JADE2: variants seen among roughly 807,000 people sequenced by gnomAD.
The protein encoded by JADE2 is E3 ubiquitin-protein ligase Jade-2.
Under a neutral mutation model 85.7 loss-of-function variants are expected in JADE2, and 13 were observed. The ratio of observed to expected loss-of-function variants is 0.15; its 90% CI spans 0.10 to 0.24. JADE2 has a LOEUF of 0.24. JADE2 is among the 10% of genes least tolerant of loss of function. JADE2 has a pLI of 1.00. For synonymous variants in JADE2, 440 were observed against 456.1 expected, an observed-to-expected ratio of 0.96 and a Z score of 0.45; for missense variants, 846 against 1,115.9, an observed-to-expected ratio of 0.76 and a Z score of 3.45.
At chr5:134,552,312 C>A in intron 4 of JADE2, 103 bp downstream of exon 4, 1 of 1,019,526 alleles carries the variant, frequency 9.8e-7, no homozygotes, top group Non-Finnish European at 1.4e-6. Flanking sequence ...CCTTTCTAGT[C>A]CATCTCTATT....
chr5:134,561,153 A>G (rs935772074), intron 6 of JADE2, among the ~76,000 whole-genome samples, 196 bp downstream of exon 6: 5 of 152,372 alleles, frequency 3.3e-5, no homozygotes, highest in South Asian at 4.1e-4. Flanking sequence ...GACTCAAGCC[A>G]GAGCCCATTG....
At chr5:134,538,416 T>G (rs981601001) in intron 3 of JADE2, among the ~76,000 whole-genome samples, 6 of 152,134 alleles carry the variant, frequency 3.9e-5, no homozygotes, top group African/African-American at 1.4e-4. Flanking sequence ...GGCTTAGAGC[T>G]GGGTGGTAGC....
At position 134,525,835 on chromosome 5, in the gene JADE2, C is replaced by T; in HGVS notation, c.-177C>T. 2.0e-6 allele frequency: 2 copies of T among 1,000,078 alleles called. No individual in the cohort carries two copies. The highest frequency in any genetic ancestry group is 2.4e-6 in the Non-Finnish European group (2 of 838,044). 62.0% of individuals were successfully genotyped at this position (1,000,078 alleles called of 1,614,324 possible). On this transcript the variant is annotated 5_prime_UTR_variant, in exon 1 of 12. Transcript: ENST00000681547. Reference sequence around the variant, plus strand: ...ACCGTCCCCGGCGGGGGGCGTGGGGCCTGGGACGCCGCGGGCCCGGCCGCC... The same window carrying T: ...ACCGTCCCCGGCGGGGGGCGTGGGGTCTGGGACGCCGCGGGCCCGGCCGCC...
chr5:134,533,523 CG>C (rs1761381064), intron 1 of JADE2: 1 of 985,288 alleles, frequency 1.0e-6, no homozygotes, highest in Non-Finnish European at 1.2e-6. Flanking sequence ...GATGCTGGCT[CG>C]GAAGTACCTT....
chr5:134,525,968 C>G lies in JADE2; in HGVS notation c.-44C>G. On this transcript the variant is annotated 5_prime_UTR_variant, in exon 1 of 12. Transcript: ENST00000681547. Reference sequence around the variant, plus strand: ...TCCCGCGCCGGTCCCTGCAGCGGCGCGTAGCCGAGGGCAGCGCCCGTCAGG... The same window carrying G: ...TCCCGCGCCGGTCCCTGCAGCGGCGGGTAGCCGAGGGCAGCGCCCGTCAGG... 1 of 985,784 alleles carries G rather than the reference C, an allele frequency of 1.0e-6. No individual in the cohort carries two copies. Among genetic ancestry groups the G allele is most frequent in the South Asian group, 4.7e-5 (1 of 21,304 alleles). The allele number at this position is 985,784 out of a possible 1,614,324, so 61.1% of individuals were successfully genotyped here. A position where few individuals can be genotyped will look rare whatever the true frequency, so the allele number is the denominator to read the frequency against.
At chr5:134,556,228 A>G (rs963228573) in intron 4 of JADE2, among the ~76,000 whole-genome samples, 1 of 152,204 alleles carries the variant, frequency 6.6e-6, no homozygotes, top group African/African-American at 2.4e-5. Context: ...AGCTGGCCAG[A>G]TGGAGGCCAG....
chr5:134,566,493 C>G lies in JADE2; in HGVS notation c.1347C>G (p.Asp449Glu). The G allele has an allele frequency of 6.2e-7, 1 of 1,611,488 alleles. No individual in the cohort carries two copies. The highest frequency in any genetic ancestry group is 2.2e-5 in the East Asian group (1 of 44,750). ...ANQPLLTPKT[D>E]EVDNLAQQEQ... ...AGCCGCTGCTGACCCCCAAGACCGA[C>G]GAGGTGGACAACCTGGCCCAGCAGG... The change falls in exon 9 of 12, where the codon GAC (aspartate) becomes GAG (glutamate). Residue 449 changes from aspartate (D) to glutamate (E), a missense_variant. Asp to Glu is a conservative substitution (Grantham distance 45, BLOSUM62 2). Coordinates refer to ENST00000681547, the MANE Select transcript of JADE2 (RefSeq NM_001388185.1). This position sits in a 1 kb window ranked among gnomAD's most constrained non-coding sequence, Gnocchi z 6.7.
Position 134,582,888 on chromosome 5 carries a change from G to T in JADE2, c.*3571G>T, listed in dbSNP as rs1458779431. The stretch of plus-strand genomic sequence containing the variant: ...AAAGAGCAATTTTAAATTATTTTTG[G>T]CTTATGTTGCAATATTTATTTTCTT... On this transcript the variant is annotated 3_prime_UTR_variant, in exon 12 of 12. Coordinates refer to ENST00000681547, the MANE Select transcript of JADE2 (RefSeq NM_001388185.1). 2 of 152,576 alleles carry T rather than the reference G, an allele frequency of 1.3e-5. No homozygotes were observed. The highest frequency in any genetic ancestry group is 1.9e-4 in the East Asian group (1 of 5,204). 9.5% of individuals were successfully genotyped at this position (152,576 alleles called of 1,614,324 possible). A position where few individuals can be genotyped will look rare whatever the true frequency, so the allele number is the denominator to read the frequency against.
intron 3 of JADE2, among the ~76,000 whole-genome samples, chr5:134,541,831 C>A (rs755254625): frequency 3.3e-5 from 5 of 152,230 alleles, no homozygotes; most frequent in African/African-American, 4.8e-5. Context: ...ACCCTAAGGG[C>A]GCAAGCCAAG....
At chr5:134,559,197 G>C (rs563076710) in intron 4 of JADE2, among the ~76,000 whole-genome samples, 1 of 152,322 alleles carries the variant, frequency 6.6e-6, no homozygotes, top group Non-Finnish European at 1.5e-5. Flanking sequence ...ACCCTGGGCC[G>C]CAGCCGTGTA....
rs1157096841 is a variant in JADE2, at chr5:134,579,458, A to G, written c.*141A>G. ...CGTCGTGGTTTTATTTTTAATATAG[A>G]GAGAGTTTTGAATTCTACACTGTTG... On this transcript the variant is annotated 3_prime_UTR_variant, in exon 12 of 12. Transcript: ENST00000681547. The surrounding 1 kb of genome is among the most constrained non-coding windows in gnomAD (Gnocchi z 4.6). 1.5e-6 allele frequency: 1 copy of G among 653,260 alleles called. No homozygotes were observed. Among genetic ancestry groups the G allele is most frequent in the African/African-American group, 1.8e-5 (1 of 54,820 alleles). The allele number at this position is 653,260 out of a possible 1,614,324, so 40.5% of individuals were successfully genotyped here. A position where few individuals can be genotyped will look rare whatever the true frequency, so the allele number is the denominator to read the frequency against.
chr5:134,527,747 CT>C (rs1561719065), intron 1 of JADE2, among the ~76,000 whole-genome samples: 1 of 152,112 alleles, frequency 6.6e-6, no homozygotes, highest in South Asian at 2.1e-4. Flanking sequence ...CGCAACTCCC[CT>C]CCCAATCCCC....
chr5:134,574,770 C>T (rs1466542415), intron 10 of JADE2: 1 of 152,318 alleles, frequency 6.6e-6, no homozygotes, highest in Non-Finnish European at 1.5e-5. Flanking sequence ...TCCAGGCCCC[C>T]TATCTTCTGT....
At chr5:134,536,539 C>T (rs893678709) in intron 2 of JADE2, 1 of 152,178 alleles carries the variant, frequency 6.6e-6, no homozygotes, top group African/African-American at 2.4e-5. Flanking sequence ...CACTATCAAG[C>T]AGCAGAAGAA....
At chr5:134,558,561 G>A (rs1039934509) in intron 4 of JADE2, among the ~76,000 whole-genome samples, 9 of 152,220 alleles carry the variant, frequency 5.9e-5, no homozygotes, top group Admixed American at 1.3e-4. Flanking sequence ...TTATTGAGAC[G>A]GAGCTTCGCT....
rs1315809142 is a variant in JADE2, at chr5:134,525,822, G to T, written c.-190G>T. On this transcript the variant is annotated 5_prime_UTR_variant, in exon 1 of 12. Transcript: ENST00000681547. ...GTCCTGCGGGCCGACCGTCCCCGGC[G>T]GGGGGCGTGGGGCCTGGGACGCCGC... 9.9e-7 allele frequency: 1 copy of T among 1,012,248 alleles called. No individual in the cohort carries two copies. The highest frequency in any genetic ancestry group is 1.2e-6 in the Non-Finnish European group (1 of 844,910). 62.7% of individuals were successfully genotyped at this position (1,012,248 alleles called of 1,614,324 possible).
At chr5:134,532,051 A>G (rs1761282437) in intron 1 of JADE2, among the ~76,000 whole-genome samples, 1 of 151,964 alleles carries the variant, frequency 6.6e-6, no homozygotes, top group Admixed American at 6.6e-5. Flanking sequence ...TGCCCAGCTA[A>G]CTTTTGTATT....
intron 5 of JADE2, 102 bp from the exon 6 acceptor site, chr5:134,560,644 A>G (rs1417896084): frequency 2.1e-6 from 2 of 967,804 alleles, no homozygotes; most frequent in Non-Finnish European, 3.1e-6. Context: ...ACCCTCCCAG[A>G]CATCTGCCCT....
intron 3 of JADE2, among the ~76,000 whole-genome samples, chr5:134,548,014 C>T (rs887536101): frequency 6.6e-5 from 10 of 152,206 alleles, no homozygotes; most frequent in African/African-American, 2.4e-4. Context: ...AGTGTGCCAG[C>T]TTTACTCTGG....
Sources: allele counts gnomAD v4.1 joint callset (sites outside exome capture counted in the v4.1 genomes callset), GRCh38; gene constraint gnomAD v4.1.1; non-coding constraint Gnocchi (gnomAD v3.1); transcripts MANE v1.5; gene names NCBI Gene and HGNC (gene_info 2026-07-23, HGNC 2026-07-21).